The following COL19A1 variants were observed in gnomAD, a reference collection of about 807,000 sequenced individuals.
The protein encoded by COL19A1 is collagen type XIX alpha 1 chain, also known as collagen alpha-1(XIX) chain.
A neutral mutation model predicts 190.2 loss-of-function variants in COL19A1; 159 were observed. That is an observed-to-expected ratio of 0.84 (90% CI 0.73 to 0.95). COL19A1 has a LOEUF of 0.95. COL19A1 is among the 40% of genes least tolerant of loss of function. The pLI is 0.00. For missense variants in COL19A1, 1,418 were observed against 1,431.9 expected (o/e 0.99, Z 0.16); for synonymous variants, 509 against 458.9 (o/e 1.11, Z -1.39).
intron 4 of COL19A1, among the ~76,000 whole-genome samples, chr6:69,922,930 T>G (rs1207017320): frequency 6.6e-6 from 1 of 152,170 alleles, no homozygotes; most frequent in East Asian, 1.9e-4. Context: ...CAAAGTATGT[T>G]AAATGCTGTG....
chr6:69,932,737 G>A (rs751521128), intron 6 of COL19A1, 46 bp from the exon 7 acceptor site: 4 of 1,172,984 alleles, frequency 3.4e-6, no homozygotes, highest in Non-Finnish European at 2.5e-6. Context: ...GCCTGAATGT[G>A]ATTCCAAAAA....
At chr6:70,199,979 T>C in intron 49 of COL19A1, 1 of 370,150 alleles carries the variant, frequency 2.7e-6, no homozygotes, top group South Asian at 2.7e-5. Flanking sequence ...CCTGGTATTC[T>C]AAATGTATTG....
At chr6:70,000,362 A>G (rs1777188152) in intron 11 of COL19A1, among the ~76,000 whole-genome samples, 1 of 152,206 alleles carries the variant, frequency 6.6e-6, no homozygotes, top group Admixed American at 6.5e-5. Context: ...AGAATGATTT[A>G]TATTCCTTTG....
chr6:69,909,329 A>T (rs1205293133), intron 4 of COL19A1, among the ~76,000 whole-genome samples: 1 of 152,042 alleles, frequency 6.6e-6, no homozygotes, highest in East Asian at 1.9e-4. Context: ...GCCTCTAGGG[A>T]GTGTGTGATA....
At chr6:69,881,062 A>G (rs1038684131) in intron 2 of COL19A1, among the ~76,000 whole-genome samples, 14 of 152,304 alleles carry the variant, frequency 9.2e-5, no homozygotes, top group African/African-American at 3.4e-4. Context: ...ATGGTTCTCC[A>G]ATTTTAACAT....
chr6:70,175,313 A>G (rs1004259956), intron 41 of COL19A1, among the ~76,000 whole-genome samples: 4 of 152,116 alleles, frequency 2.6e-5, no homozygotes, highest in Non-Finnish European at 4.4e-5. Context: ...ATCTAACACT[A>G]TATTTCTTTA....
At chr6:69,960,897 C>T (rs923082591) in intron 10 of COL19A1, among the ~76,000 whole-genome samples, 1 of 152,136 alleles carries the variant, frequency 6.6e-6, no homozygotes, top group African/African-American at 2.4e-5. Flanking sequence ...TCCCAAAGTG[C>T]TGGGATTACA....
At position 69,908,968 on chromosome 6, in the gene COL19A1, G is replaced by A. The variant is rs148485935; in HGVS notation, c.266+8630G>A. On this transcript the variant is annotated intron_variant, in intron 4 of 50. Transcript: ENST00000620364. ...AATCTTATAAAATTAAAATATTTTT[G>A]TGTTTCACATGAGTTAAAATGGAAA... Among the ~76,000 whole-genome samples, 368 of 152,122 alleles carry A rather than the reference G, an allele frequency of 2.4e-3. 3 individuals are homozygous for A. Among genetic ancestry groups the A allele is most frequent in the African/African-American group, 8.5e-3 (353 of 41,542 alleles).
chr6:70,161,938 C>A lies in COL19A1; in HGVS notation c.2331C>A (p.Gly777=), dbSNP rs776305927. The part of the protein sequence containing the change: ...QGIPGIPGAP[G]PTGPPGLMGR... ...TTCCAGGCATTCCAGGTGCTCCAGG[C>A]CCGACTGGACCCCCTGTAAGTATTT... The change falls in exon 35 of 51, where the codon GGC becomes GGA. Residue 777 remains glycine (G), a synonymous_variant. Coordinates refer to ENST00000620364, the MANE Select transcript of COL19A1 (RefSeq NM_001858.6). The A allele has an allele frequency of 1.2e-6, 2 of 1,604,964 alleles. No individual in the cohort carries two copies. The highest frequency in any genetic ancestry group is 1.7e-6 in the Non-Finnish European group (2 of 1,175,800).
intron 2 of COL19A1, among the ~76,000 whole-genome samples, chr6:69,886,002 A>G (rs949623974): frequency 6.6e-6 from 1 of 152,220 alleles, no homozygotes; most frequent in African/African-American, 2.4e-5. Flanking sequence ...TCAAACTAAA[A>G]CACTTATACA....
In COL19A1 at chr6:70,031,668, C is replaced by T. The variant is rs534301108; in HGVS notation, c.1081-2577C>T. Reference sequence around the variant, plus strand: ...GTTTTCTTATGGCTTAATAGTACTCCGTTGTGTATATATAACACCTTTTCT... The same window carrying T: ...GTTTTCTTATGGCTTAATAGTACTCTGTTGTGTATATATAACACCTTTTCT... On this transcript the variant is annotated intron_variant, in intron 12 of 50. Transcript: ENST00000620364. Among the ~76,000 whole-genome samples, 9 of 152,212 alleles carry T rather than the reference C, an allele frequency of 5.9e-5. No homozygotes were observed. In the East Asian group the frequency reaches 9.6e-4, roughly 16 times the overall value.
chr6:70,001,167 TCAGATTGTTGTA>T (rs1157061128), intron 11 of COL19A1, among the ~76,000 whole-genome samples: 1 of 152,172 alleles, frequency 6.6e-6, no homozygotes, highest in African/African-American at 2.4e-5. Flanking sequence ...TTGTCGAAGA[TCAGATTGTTGTA>T]CATGTATGGT....
chr6:70,027,685 A>G (rs932013126), intron 12 of COL19A1, among the ~76,000 whole-genome samples: 1 of 149,868 alleles, frequency 6.7e-6, no homozygotes, highest in Non-Finnish European at 1.5e-5. Flanking sequence ...TACAAAACAT[A>G]TATTAAAATT....
At chr6:69,969,662 T>A (rs1457523507) in intron 11 of COL19A1, among the ~76,000 whole-genome samples, 1 of 152,224 alleles carries the variant, frequency 6.6e-6, no homozygotes, top group Admixed American at 6.5e-5. Flanking sequence ...AGAGATTATT[T>A]AAAGTATATG....
chr6:69,879,872 A>G (rs1768401926), intron 2 of COL19A1: 3 of 536,648 alleles, frequency 5.6e-6, no homozygotes, highest in South Asian at 3.1e-5. Flanking sequence ...ATATTAGTCT[A>G]TGTTTCCTTT....
chr6:70,128,150 C>A (rs1785312808), intron 17 of COL19A1, among the ~76,000 whole-genome samples: 1 of 152,116 alleles, frequency 6.6e-6, no homozygotes, highest in African/African-American at 2.4e-5. Context: ...CTATGAATTG[C>A]TTCTAGAATT....
intron 11 of COL19A1, among the ~76,000 whole-genome samples, chr6:69,981,390 T>TA (rs1223179917): frequency 1.3e-5 from 2 of 151,902 alleles, no homozygotes; most frequent in Admixed American, 6.6e-5. Context: ...AGGGAGAAAA[T>TA]AAAAAATGCA....
In COL19A1 at chr6:70,003,761, G is replaced by A. The variant is rs145553073; in HGVS notation, c.1027-19866G>A. Among the ~76,000 whole-genome samples the A allele has an allele frequency of 4.1e-4, 62 of 152,028 alleles. No individual in the cohort carries two copies. The East Asian group carries it at 0.01, about 26-fold the overall frequency. ...CTCCATCACTTTATTTTGAGCCTTTGTGTATCTTTGCATGTGAGATGGGTC... is the reference window on the plus strand; with the variant it reads ...CTCCATCACTTTATTTTGAGCCTTTATGTATCTTTGCATGTGAGATGGGTC... On this transcript the variant is annotated intron_variant, in intron 11 of 50. Transcript: ENST00000620364.
chr6:69,907,440 A>T (rs1410682696), intron 4 of COL19A1, among the ~76,000 whole-genome samples: 1 of 152,170 alleles, frequency 6.6e-6, no homozygotes, highest in Non-Finnish European at 1.5e-5. Context: ...GATTTTTATC[A>T]TTATAAATAA....
Sources: allele counts gnomAD v4.1 joint callset (sites outside exome capture counted in the v4.1 genomes callset), GRCh38; gene constraint gnomAD v4.1.1; transcripts MANE v1.5; gene names NCBI Gene and HGNC (gene_info 2026-07-23, HGNC 2026-07-21).